ATOH8: variants seen among roughly 807,000 people sequenced by gnomAD.
The protein encoded by ATOH8 is atonal bHLH transcription factor 8.
In ATOH8, 9 loss-of-function variants were observed where a neutral mutation model predicts 21.2. That is an observed-to-expected ratio of 0.42 (90% CI 0.26 to 0.74). The LOEUF (loss-of-function observed/expected upper bound fraction) is 0.74, where lower values mean the gene tolerates loss of function less well. Among genes scored for constraint, ATOH8 ranks in the 30% least tolerant of loss-of-function variants. The pLI is 0.24. For missense variants in ATOH8, 524 were observed against 470.9 expected (o/e 1.11, Z -1.04); for synonymous variants, 253 against 224.0 (o/e 1.13, Z -1.16).
chr2:85,780,486 G>A (rs373131710), intron 2 of ATOH8: 5 of 152,458 alleles, frequency 3.3e-5, no homozygotes, highest in Non-Finnish European at 5.9e-5. Flanking sequence ...GGGGCCTGTG[G>A]GGCAGCTGTC....
In ATOH8 at chr2:85,779,961, C is replaced by T. The variant is rs117659482; in HGVS notation, c.961-6924C>T. On this transcript the variant is annotated intron_variant, in intron 2 of 2. Transcript: ENST00000306279. ...GGTGAAGGGACCGTGGCAATCACAC[C>T]GACAACCATTCGTGGCGTAAGGGGA... is the stretch of plus-strand genomic sequence containing the variant. Among the ~76,000 whole-genome samples the T allele has an allele frequency of 2.9e-3, 437 of 152,236 alleles. 19 individuals are homozygous for T. The East Asian group carries it at 0.062, about 22-fold the overall frequency.
At chr2:85,759,182 C>T (rs1017908998) in intron 1 of ATOH8, among the ~76,000 whole-genome samples, 1 of 152,136 alleles carries the variant, frequency 6.6e-6, no homozygotes, top group African/African-American at 2.4e-5. Flanking sequence ...GAATGGTGCC[C>T]TCAGCACCTC....
Position 85,754,684 on chromosome 2 carries a change from G to T in ATOH8, c.495G>T (p.Pro165=). ...LLCAPPARPA[P]SAPPAPPAPP... ...GCGCACCGCCCGCGCGCCCCGCGCC[G>T]TCAGCACCCCCAGCACCGCCAGCGC... Residue 165 remains proline (P), a synonymous_variant, in exon 1 of 3, where the codon CCG becomes CCT. Transcript: ENST00000306279. 1 of 1,585,128 alleles carries T rather than the reference G, an allele frequency of 6.3e-7. No individual in the cohort carries two copies. Among genetic ancestry groups the T allele is most frequent in the East Asian group, 2.3e-5 (1 of 43,826 alleles).
At chr2:85,776,282 C>T (rs934105106) in intron 2 of ATOH8, among the ~76,000 whole-genome samples, 3 of 152,218 alleles carry the variant, frequency 2.0e-5, no homozygotes, top group African/African-American at 7.2e-5. Context: ...CGGCTTGGGG[C>T]CTGAGGCTTG....
At chr2:85,783,424 CG>C (rs1248215752) in intron 2 of ATOH8, among the ~76,000 whole-genome samples, 9 of 152,124 alleles carry the variant, frequency 5.9e-5, no homozygotes, top group Admixed American at 1.3e-4. Context: ...AAAAATTAGC[CG>C]GGTGTGGTGG....
At chr2:85,770,449 G>C (rs951191502) in intron 2 of ATOH8, among the ~76,000 whole-genome samples, 9 of 152,140 alleles carry the variant, frequency 5.9e-5, no homozygotes, top group Non-Finnish European at 1.5e-5. Flanking sequence ...GAAAAGGGGG[G>C]TGGGTGGGAA....
At chr2:85,761,795 CTTGT>C (rs1573523335) in intron 1 of ATOH8, among the ~76,000 whole-genome samples, 2 of 152,322 alleles carry the variant, frequency 1.3e-5, no homozygotes, top group East Asian at 3.9e-4. Context: ...ACTACCAGAC[CTTGT>C]TTATTTGTTC....
chr2:85,765,852 ACAGAG>A (rs2104509235), intron 2 of ATOH8, among the ~76,000 whole-genome samples: 1 of 152,252 alleles, frequency 6.6e-6, no homozygotes, highest in South Asian at 2.1e-4. Flanking sequence ...GAGAGGCCCG[ACAGAG>A]CCGAGCTTTT....
Position 85,766,927 on chromosome 2 carries a change from C to G in ATOH8, c.960+2745C>G, listed in dbSNP as rs1325677564. ...CCCAGCATAGCTGGCCTTAGCTGGT[C>G]CCCTCGGCAGATGTCCTGCCCCAGA... On this transcript the variant is annotated intron_variant, in intron 2 of 2. Coordinates refer to ENST00000306279, the MANE Select transcript of ATOH8 (RefSeq NM_032827.7). This position sits in a 1 kb window ranked among gnomAD's most constrained non-coding sequence, Gnocchi z 4.0. Among the ~76,000 whole-genome samples, 1 of 152,136 alleles carries G rather than the reference C, an allele frequency of 6.6e-6. No individual in the cohort carries two copies. Among genetic ancestry groups the G allele is most frequent in the South Asian group, 2.1e-4 (1 of 4,826 alleles).
intron 2 of ATOH8, among the ~76,000 whole-genome samples, chr2:85,784,463 G>C (rs1680573687): frequency 6.6e-6 from 1 of 152,040 alleles, no homozygotes; most frequent in South Asian, 2.1e-4. Context: ...GATCGCTTGA[G>C]CCTAGAAGGT....
intron 2 of ATOH8, chr2:85,774,370 C>T (rs918950938): frequency 4.3e-5 from 42 of 985,452 alleles, no homozygotes; most frequent in Non-Finnish European, 4.7e-5. Flanking sequence ...GACAGGGTGT[C>T]AGCAGGCCCT....
chr2:85,780,162 C>T (rs1475398919), intron 2 of ATOH8, among the ~76,000 whole-genome samples: 1 of 152,170 alleles, frequency 6.6e-6, no homozygotes, highest in East Asian at 1.9e-4. Context: ...CCCAGCCCTG[C>T]ACTTGTGGAA....
rs903850664 is a variant in ATOH8 at position 85,787,018 on chromosome 2, C to T, written c.*128C>T. On this transcript the variant is annotated 3_prime_UTR_variant, in exon 3 of 3. Coordinates refer to ENST00000306279, the MANE Select transcript of ATOH8 (RefSeq NM_032827.7). ...ATGCCGCCAGATGCCCAGCCTACAGCCTCTCAGGGTCGGATCGGAGCACGC... is the reference window on the plus strand; with the variant it reads ...ATGCCGCCAGATGCCCAGCCTACAGTCTCTCAGGGTCGGATCGGAGCACGC... The T allele has an allele frequency of 2.1e-5, 27 of 1,286,326 alleles. No homozygotes were observed. The highest frequency in any genetic ancestry group is 2.8e-5 in the Non-Finnish European group (25 of 908,782). The allele number at this position is 1,286,326 out of a possible 1,614,324, so 79.7% of individuals were successfully genotyped here. A position where few individuals can be genotyped will look rare whatever the true frequency, so the allele number is the denominator to read the frequency against.
intron 1 of ATOH8, among the ~76,000 whole-genome samples, chr2:85,755,164 GCACCCCCCGCCCT>G (rs1679649364): frequency 6.6e-6 from 1 of 152,230 alleles, no homozygotes; most frequent in African/African-American, 2.4e-5. Flanking sequence ...TCTGGCCCGA[GCACCCCCCGCCCT>G]CAACCCCCGC....
chr2:85,756,835 C>G (rs1162209756), intron 1 of ATOH8, among the ~76,000 whole-genome samples: 1 of 152,190 alleles, frequency 6.6e-6, no homozygotes, highest in Non-Finnish European at 1.5e-5. Context: ...GTGCCACCCC[C>G]CCAGCCCCCA....
At position 85,759,476 on chromosome 2, in the gene ATOH8, C is replaced by T. The variant is rs1047360834; in HGVS notation, c.769-4515C>T. On this transcript the variant is annotated intron_variant, in intron 1 of 2. Transcript: ENST00000306279. ...GATGAGGACACTTACAGAGAGGTGA[C>T]GCAGATTGCTCAAGCCCACAGAGTG... Among the ~76,000 whole-genome samples the T allele has an allele frequency of 3.3e-5, 5 of 152,230 alleles. No homozygotes were observed. In the South Asian group the frequency reaches 6.2e-4, roughly 19 times the overall value.
At chr2:85,783,341 G>A (rs144383386) in intron 2 of ATOH8, among the ~76,000 whole-genome samples, 1,742 of 152,272 alleles carry the variant, frequency 0.011, 29 homozygotes, top group African/African-American at 0.04. Context: ...AGGCCAAGGA[G>A]GGTGGATCAT....
intron 2 of ATOH8, chr2:85,774,664 T>C: frequency 2.0e-6 from 2 of 985,396 alleles, no homozygotes; most frequent in Non-Finnish European, 2.4e-6. Context: ...CATCCCCTAC[T>C]TAGCTCCCCT....
intron 1 of ATOH8, among the ~76,000 whole-genome samples, chr2:85,757,946 T>C (rs1285354878): frequency 1.3e-5 from 2 of 151,900 alleles, no homozygotes; most frequent in Non-Finnish European, 2.9e-5. Context: ...CCACCACACC[T>C]GGGTAATTTT....
Sources: gnomAD v4.1 joint callset for allele counts (sites outside exome capture counted in the v4.1 genomes callset) on GRCh38, gnomAD v4.1.1 for gene constraint, Gnocchi (gnomAD v3.1) non-coding constraint, MANE v1.5 for transcripts, NCBI Gene and HGNC (gene_info 2026-07-23, HGNC 2026-07-21) for gene names.